Variants in NECTIN2 observed in about 807,000 individuals in gnomAD.
NECTIN2 encodes nectin-2.
A neutral mutation model predicts 56.9 loss-of-function variants in NECTIN2; 23 were observed. That is an observed-to-expected ratio of 0.40 (90% CI 0.29 to 0.57). The LOEUF (loss-of-function observed/expected upper bound fraction) is 0.57. Ranked by LOEUF, NECTIN2 falls within the 20% of genes least tolerant of loss-of-function variation. The pLI is 0.38. For missense variants in NECTIN2, 587 were observed against 718.3 expected, an observed-to-expected ratio of 0.82 and a Z score of 2.09; for synonymous variants, 302 against 313.8, an observed-to-expected ratio of 0.96 and a Z score of 0.40.
chr19:44,886,064 G>A (rs1969357512), intron 7 of NECTIN2, 64 bp downstream of exon 7: 1 of 1,570,096 alleles, frequency 6.4e-7, no homozygotes, highest in African/African-American at 1.4e-5. Flanking sequence ...GCTGGGAGGG[G>A]CCTGGCAGGG....
At chr19:44,882,591 C>T (rs1969319650) in intron 6 of NECTIN2, among the ~76,000 whole-genome samples, 2 of 150,934 alleles carry the variant, frequency 1.3e-5, no homozygotes, top group East Asian at 2.0e-4. Context: ...CTTACACCTG[C>T]CATCCCAGCA....
chr19:44,888,514 G>A lies in NECTIN2; in HGVS notation c.*135G>A. The A allele has an allele frequency of 3.0e-6, 3 of 998,282 alleles. No individual in the cohort carries two copies. Among genetic ancestry groups the A allele is most frequent in the South Asian group, 1.7e-5 (1 of 59,550 alleles). 61.8% of individuals were successfully genotyped at this position (998,282 alleles called of 1,614,324 possible). A position where few individuals can be genotyped will look rare whatever the true frequency, so the allele number is the denominator to read the frequency against. On this transcript the variant is annotated 3_prime_UTR_variant, in exon 9 of 9. Transcript: ENST00000252483. ...GCATTCCATTTGTGATGTCTACCTTGGTGGCTCCACTATGACCCCTAACCC... is the reference window on the plus strand; with the variant it reads ...GCATTCCATTTGTGATGTCTACCTTAGTGGCTCCACTATGACCCCTAACCC...
chr19:44,878,314 G>C, intron 5 of NECTIN2: 1 of 1,495,904 alleles, frequency 6.7e-7, no homozygotes, highest in Non-Finnish European at 9.1e-7. Context: ...TGGCTGGGGG[G>C]TCCTTGGCCT....
chr19:44,887,440 C>A (rs1036964915), intron 8 of NECTIN2, among the ~76,000 whole-genome samples: 8 of 151,858 alleles, frequency 5.3e-5, no homozygotes, highest in African/African-American at 1.9e-4. Context: ...GTCAGGAGTT[C>A]CAAGACCAGC....
At chr19:44,881,802 A>G (rs2122708975) in intron 5 of NECTIN2, among the ~76,000 whole-genome samples, 1 of 152,250 alleles carries the variant, frequency 6.6e-6, no homozygotes, top group African/African-American at 2.4e-5. Flanking sequence ...GCCCTTGCTC[A>G]GTTGTCACCT....
chr19:44,869,556 G>C (rs1969146467), intron 2 of NECTIN2, among the ~76,000 whole-genome samples: 1 of 133,002 alleles, frequency 7.5e-6, no homozygotes, highest in African/African-American at 2.9e-5. Flanking sequence ...TCGCATCACT[G>C]CACTCCAGCC....
chr19:44,878,424 T>C, intron 5 of NECTIN2: 1 of 1,580,336 alleles, frequency 6.3e-7, no homozygotes, highest in Non-Finnish European at 8.6e-7. Flanking sequence ...GCTCAGGTGT[T>C]GGGAAATGGG....
rs394221 is a variant in NECTIN2 at position 44,865,167 on chromosome 19, C to A, written c.89-104C>A. 3.2e-6 allele frequency: 4 copies of A among 1,267,682 alleles called. No individual in the cohort carries two copies. Among genetic ancestry groups the A allele is most frequent in the African/African-American group, 3.0e-5 (2 of 66,744 alleles). 78.5% of individuals were successfully genotyped at this position (1,267,682 alleles called of 1,614,324 possible). A position where few individuals can be genotyped will look rare whatever the true frequency, so the allele number is the denominator to read the frequency against. On this transcript the variant is annotated intron_variant, in intron 1 of 8. Transcript: ENST00000252483. The surrounding 1 kb of genome is among the most constrained non-coding windows in gnomAD (Gnocchi z 5.2). ...GCTGCGAAGCTGCCTACGTTGCATG[C>A]GGAGCCTGCATTTCCCGTGGGGCCC...
intron 5 of NECTIN2, among the ~76,000 whole-genome samples, chr19:44,880,505 T>TTTTTG (rs1969296686): frequency 7.8e-6 from 1 of 128,588 alleles, no homozygotes; most frequent in African/African-American, 3.2e-5. Context: ...TTTTTTTTTT[T>TTTTTG]GAGACGGTGT....
intron 5 of NECTIN2, chr19:44,878,843 C>T (rs1387182573): frequency 7.5e-7 from 1 of 1,325,278 alleles, no homozygotes; most frequent in African/African-American, 1.5e-5. Context: ...AGTGGGGATC[C>T]AGAGAGGACC....
chr19:44,860,305 G>T (rs971132547), intron 1 of NECTIN2, among the ~76,000 whole-genome samples: 1 of 152,058 alleles, frequency 6.6e-6, no homozygotes, highest in East Asian at 1.9e-4. Flanking sequence ...CAGGTGGATC[G>T]CTTGAGCTCA....
chr19:44,882,133 T>G, intron 5 of NECTIN2, 78 bp from the exon 6 acceptor site: 1 of 1,259,510 alleles, frequency 7.9e-7, no homozygotes, highest in South Asian at 2.5e-5. Context: ...GGCGATGATG[T>G]GGGGTGGGAT....
In NECTIN2 at chr19:44,869,863, T is replaced by G. The variant is rs1251221402; in HGVS notation, c.479-1990T>G. Among the ~76,000 whole-genome samples, 3 of 151,974 alleles carry G rather than the reference T, an allele frequency of 2.0e-5. No individual in the cohort carries two copies. The East Asian group carries it at 5.8e-4, about 29-fold the overall frequency. ...ACTCAGGAGGCTAAGGCAGGCGAAT[T>G]GCTGAAACCAGCAAGGGCAGGTTGC... On this transcript the variant is annotated intron_variant, in intron 2 of 8. Transcript: ENST00000252483.
chr19:44,872,886 T>G (rs1353421897), intron 3 of NECTIN2, among the ~76,000 whole-genome samples: 4 of 147,926 alleles, frequency 2.7e-5, no homozygotes, highest in African/African-American at 9.8e-5. Flanking sequence ...TTTGTCATTA[T>G]TTATTATTGT....
In NECTIN2 at chr19:44,864,784, C is replaced by T. The variant is rs565637835; in HGVS notation, c.89-487C>T. The stretch of plus-strand genomic sequence containing the variant: ...CGGAGCTTGCAGTGAGCCGAGATCG[C>T]GCCACTGCACTCCAGCCTGGTCAAC... On this transcript the variant is annotated intron_variant, in intron 1 of 8. Coordinates refer to ENST00000252483, the MANE Select transcript of NECTIN2 (RefSeq NM_001042724.2). Among the ~76,000 whole-genome samples the T allele has an allele frequency of 1.9e-3, 290 of 151,824 alleles. 3 individuals are homozygous for T. Among genetic ancestry groups the T allele is most frequent in the African/African-American group, 6.5e-3 (269 of 41,394 alleles).
Position 44,875,388 on chromosome 19 carries a change from C to T in NECTIN2, c.1042+910C>T, listed in dbSNP as rs1381493656. The stretch of plus-strand genomic sequence containing the variant: ...TCAAGCAATTATCCTGCCTCAGCCT[C>T]CTGAGTAGCTGGGACTATATGCGCT... On this transcript the variant is annotated intron_variant, in intron 5 of 8. Coordinates refer to ENST00000252483, the MANE Select transcript of NECTIN2 (RefSeq NM_001042724.2). The surrounding 1 kb of genome is among the most constrained non-coding windows in gnomAD (Gnocchi z 4.2). Among the ~76,000 whole-genome samples, 1 of 152,074 alleles carries T rather than the reference C, an allele frequency of 6.6e-6. No homozygotes were observed.
rs1968833875 is a variant in NECTIN2 at position 44,846,407 on chromosome 19, GAACCGGCCCGGAGC to G, written c.-118_-105del. On this transcript the variant is annotated 5_prime_UTR_variant, in exon 1 of 9. Transcript: ENST00000252483. Reference sequence around the variant, plus strand: ...GAACAGGGAGGCTAGAGCGCAGCGGGAACCGGCCCGGAGCCGGAGCCGGAGCCCCACAGGCACCT... The same window carrying G: ...GAACAGGGAGGCTAGAGCGCAGCGGGCGGAGCCGGAGCCCCACAGGCACCT... 7.8e-7 allele frequency: 1 copy of G among 1,276,878 alleles called. No homozygotes were observed. The highest frequency in any genetic ancestry group is 1.6e-5 in the African/African-American group (1 of 62,810). The allele number at this position is 1,276,878 out of a possible 1,614,324, so 79.1% of individuals were successfully genotyped here.
In NECTIN2 at chr19:44,874,483, G is replaced by T. The variant is rs1969214407; in HGVS notation, c.1042+5G>T. 1.9e-6 allele frequency: 3 copies of T among 1,612,842 alleles called. No homozygotes were observed. Among genetic ancestry groups the T allele is most frequent in the Non-Finnish European group, 2.5e-6 (3 of 1,180,026 alleles). On this transcript the variant is annotated splice_donor_5th_base_variant and intron_variant, in intron 5 of 8. Transcript: ENST00000252483. The surrounding 1 kb of genome is among the most constrained non-coding windows in gnomAD (Gnocchi z 6.3). ...AGCAGGTCATCTTTGTCCGAGGTGA[G>T]TGGGTCTTGGGGGCCGTGTGTGGAG...
intron 2 of NECTIN2, among the ~76,000 whole-genome samples, chr19:44,870,113 G>A (rs376293343): frequency 2.6e-5 from 4 of 152,340 alleles, no homozygotes; most frequent in African/African-American, 9.6e-5. Flanking sequence ...CCTTGACGAA[G>A]TGGGGCTTGG....
Sources: gnomAD v4.1 joint callset for allele counts (sites outside exome capture counted in the v4.1 genomes callset) on GRCh38, gnomAD v4.1.1 for gene constraint, Gnocchi (gnomAD v3.1) non-coding constraint, MANE v1.5 for transcripts, NCBI Gene and HGNC (gene_info 2026-07-23, HGNC 2026-07-21) for gene names.